The following XRN1 variants were observed in gnomAD, a reference collection of about 807,000 sequenced individuals.
The protein encoded by XRN1 is strand-exchange protein 1 homolog.
A neutral mutation model predicts 222.3 loss-of-function variants in XRN1; 67 were observed. The ratio of observed to expected loss-of-function variants is 0.30; its 90% confidence interval spans 0.25 to 0.37. The LOEUF (loss-of-function observed/expected upper bound fraction) is 0.37. Ranked by LOEUF, XRN1 falls within the 10% of genes least tolerant of loss-of-function variation. XRN1 has a pLI of 1.00. For missense variants in XRN1, 1,707 were observed against 2,000.2 expected (o/e 0.85, Z 2.80); for synonymous variants, 643 against 652.4 (o/e 0.99, Z 0.22).
rs549594543 is a variant in XRN1, at chr3:142,383,532, ATAATGCCAAGAGCTAAAAT to A, written c.2503-138_2503-120del. ...AATGTCAATGTGAAGATTTTTCTAC[ATAATGCCAAGAGCTAAAAT>A]TTGTTGACTGGTTATATGGCAGGCA... On this transcript the variant is annotated intron_variant, in intron 21 of 40. Transcript: ENST00000392981. The A allele has an allele frequency of 9.7e-5, 82 of 842,410 alleles. No individual in the cohort carries two copies. The South Asian group carries it at 1.4e-3, about 14-fold the overall frequency. The allele number at this position is 842,410 out of a possible 1,614,324, so 52.2% of individuals were successfully genotyped here.
At chr3:142,319,551 G>A (rs1560283131) in intron 37 of XRN1, among the ~76,000 whole-genome samples, 1 of 152,072 alleles carries the variant, frequency 6.6e-6, no homozygotes, top group Non-Finnish European at 1.5e-5. Flanking sequence ...AGATTTGGGA[G>A]TACAAATGTA....
intron 20 of XRN1, among the ~76,000 whole-genome samples, chr3:142,386,691 C>T (rs1020648977): frequency 3.3e-5 from 5 of 152,032 alleles, no homozygotes; most frequent in African/African-American, 7.2e-5. Context: ...CTTGAACAGG[C>T]ATTTCACAAA....
intron 1 of XRN1, among the ~76,000 whole-genome samples, chr3:142,441,726 G>A (rs2070222990): frequency 6.6e-6 from 1 of 152,226 alleles, no homozygotes; most frequent in East Asian, 1.9e-4. Context: ...TTACTTGAAG[G>A]GCCAGTGTTG....
intron 10 of XRN1, 129 bp from the exon 11 acceptor site, chr3:142,419,010 A>C: frequency 3.6e-6 from 3 of 828,662 alleles, no homozygotes; most frequent in Non-Finnish European, 6.0e-6. Flanking sequence ...TATCCTGCCC[A>C]TCTGTTTTTC....
At chr3:142,350,811 G>A (rs1332246970) in intron 32 of XRN1, among the ~76,000 whole-genome samples, 1 of 152,182 alleles carries the variant, frequency 6.6e-6, no homozygotes, top group African/African-American at 2.4e-5. Context: ...AAAGGAGGGA[G>A]TGGCTATTAA....
intron 18 of XRN1, 41 bp from the exon 19 acceptor site, chr3:142,400,588 C>G: frequency 1.9e-6 from 3 of 1,544,320 alleles, no homozygotes; most frequent in Non-Finnish European, 2.7e-6. Context: ...GATTTCAGGT[C>G]TAAGAGAAAA....
At position 142,448,036 on chromosome 3, in the gene XRN1, A is replaced by C; in HGVS notation, c.-92T>G. The C allele has an allele frequency of 7.3e-7, 1 of 1,371,674 alleles. No homozygotes were observed. Among genetic ancestry groups the C allele is most frequent in the African/African-American group, 1.4e-5 (1 of 69,622 alleles). 85.0% of individuals were successfully genotyped at this position (1,371,674 alleles called of 1,614,324 possible). ...GCAGCCTCCGGTCGTCGCTCCGCGG[A>C]TGACAACACACCGCCCGGCCGACCA... On this transcript the variant is annotated 5_prime_UTR_variant, in exon 1 of 41. Transcript: ENST00000392981.
At chr3:142,381,292 T>C (rs1019881183) in intron 22 of XRN1, among the ~76,000 whole-genome samples, 7 of 152,150 alleles carry the variant, frequency 4.6e-5, no homozygotes, top group African/African-American at 1.7e-4. Flanking sequence ...GTGTATTTCC[T>C]AAGATAGATA....
At position 142,423,695 on chromosome 3, in the gene XRN1, A is replaced by C; in HGVS notation, c.628-53T>G. The stretch of plus-strand genomic sequence containing the variant: ...TTATTCTCCCATTTTTAATAATATT[A>C]GGTTCACAAAAGCAATTAAAAAACA... On this transcript the variant is annotated intron_variant, in intron 5 of 40. Transcript: ENST00000392981. 2.1e-6 allele frequency: 3 copies of C among 1,396,514 alleles called. No homozygotes were observed. In the South Asian group the frequency reaches 4.4e-5, roughly 21 times the overall value. The allele number at this position is 1,396,514 out of a possible 1,614,324, so 86.5% of individuals were successfully genotyped here.
At chr3:142,431,772 G>A (rs373083452) in intron 2 of XRN1, among the ~76,000 whole-genome samples, 31 of 129,974 alleles carry the variant, frequency 2.4e-4, no homozygotes, top group East Asian at 1.4e-3. Context: ...AGCCGAGATC[G>A]CGCCACTGCA....
intron 19 of XRN1, among the ~76,000 whole-genome samples, chr3:142,398,139 G>A (rs949098810): frequency 2.0e-5 from 3 of 151,986 alleles, no homozygotes; most frequent in Non-Finnish European, 2.9e-5. Flanking sequence ...CAGATACTCG[G>A]GAGGCTAAGA....
intron 1 of XRN1, among the ~76,000 whole-genome samples, chr3:142,440,625 C>A (rs1290037380): frequency 1.3e-5 from 2 of 152,060 alleles, no homozygotes; most frequent in Non-Finnish European, 2.9e-5. Context: ...CTGCAATACT[C>A]CAAATTTAGG....
chr3:142,396,090 G>A (rs1411842471), intron 20 of XRN1, among the ~76,000 whole-genome samples: 1 of 152,164 alleles, frequency 6.6e-6, no homozygotes, highest in Non-Finnish European at 1.5e-5. Context: ...TGTAGGAACT[G>A]TGTGTTTTTA....
At chr3:142,384,786 T>C (rs1295743580) in intron 20 of XRN1, 101 bp from the exon 21 acceptor site, 2 of 924,704 alleles carry the variant, frequency 2.2e-6, no homozygotes, top group Non-Finnish European at 3.1e-6. Context: ...CATAATCAAG[T>C]GTGTAAATAA....
chr3:142,390,306 T>C (rs1449724773), intron 20 of XRN1, among the ~76,000 whole-genome samples: 1 of 152,264 alleles, frequency 6.6e-6, no homozygotes, highest in Non-Finnish European at 1.5e-5. Flanking sequence ...CAGGATGGCA[T>C]CTTATTCCAA....
At chr3:142,357,236 T>A in intron 30 of XRN1, 117 bp from the exon 31 acceptor site, 1 of 930,780 alleles carries the variant, frequency 1.1e-6, no homozygotes, top group Non-Finnish European at 1.6e-6. Context: ...TATTACTTTT[T>A]AATTCGGTAG....
intron 15 of XRN1, among the ~76,000 whole-genome samples, chr3:142,411,519 CT>C (rs1559860511): frequency 1.3e-5 from 2 of 151,786 alleles, no homozygotes; most frequent in Admixed American, 1.3e-4. Flanking sequence ...CCATGGATCC[CT>C]TTTTTTTCTT....
chr3:142,389,226 A>G (rs2067624936), intron 20 of XRN1, among the ~76,000 whole-genome samples: 1 of 152,124 alleles, frequency 6.6e-6, no homozygotes, highest in African/African-American at 2.4e-5. Flanking sequence ...ACAAAACAAA[A>G]CAAAGAAGCA....
intron 13 of XRN1, among the ~76,000 whole-genome samples, chr3:142,415,015 C>T (rs1403244981): frequency 2.0e-5 from 3 of 152,042 alleles, no homozygotes; most frequent in Non-Finnish European, 4.4e-5. Flanking sequence ...AACAGTTGAA[C>T]GTTCTGGTAA....
Sources: gnomAD v4.1 joint callset for allele counts (sites outside exome capture counted in the v4.1 genomes callset) on GRCh38, gnomAD v4.1.1 for gene constraint, MANE v1.5 for transcripts, NCBI Gene and HGNC (gene_info 2026-07-23, HGNC 2026-07-21) for gene names.